The following GINM1 variants were observed in gnomAD, a reference collection of about 807,000 sequenced individuals.
The protein encoded by GINM1 is glycoprotein integral membrane protein 1.
A neutral mutation model predicts 37.8 loss-of-function variants in GINM1; 29 were observed. That is an observed-to-expected ratio of 0.77 (90% CI 0.57 to 1.05). GINM1 has a LOEUF of 1.05. Ranked by LOEUF, GINM1 falls within the 50% of genes least tolerant of loss-of-function variation. The pLI, the probability that GINM1 is intolerant of heterozygous loss-of-function variation, is 0.00. For missense variants in GINM1, 377 were observed against 397.9 expected, an observed-to-expected ratio of 0.95 and a Z score of 0.45; for synonymous variants, 143 against 146.2, an observed-to-expected ratio of 0.98 and a Z score of 0.16.
intron 3 of GINM1, chr6:149,575,969 A>T (rs529355790): frequency 1.3e-5 from 2 of 152,312 alleles, no homozygotes; most frequent in South Asian, 4.1e-4. Context: ...ACAACAACAA[A>T]TCTTCTTTAA....
At chr6:149,578,525 C>CAAAAAAAAAA (rs145601764) in intron 3 of GINM1, among the ~76,000 whole-genome samples, 1 of 71,420 alleles carries the variant, frequency 1.4e-5, no homozygotes, top group Non-Finnish European at 2.9e-5. Context: ...GACTCCATCT[C>CAAAAAAAAAA]AAAAAAAAAA....
At chr6:149,590,253 C>T (rs576225932) in intron 7 of GINM1, among the ~76,000 whole-genome samples, 3 of 152,322 alleles carry the variant, frequency 2.0e-5, no homozygotes, top group East Asian at 1.9e-4. Flanking sequence ...AACTAACCCC[C>T]GTTGATGTTC....
rs1778153446 is a variant in GINM1, at chr6:149,591,405, AAAG to A, written c.*570_*572del. The A allele has an allele frequency of 6.6e-6, 1 of 152,164 alleles. No individual in the cohort carries two copies. Among genetic ancestry groups the A allele is most frequent in the African/African-American group, 2.4e-5 (1 of 41,458 alleles). The allele number at this position is 152,164 out of a possible 1,614,324, so 9.4% of individuals were successfully genotyped here. A position where few individuals can be genotyped will look rare whatever the true frequency, so the allele number is the denominator to read the frequency against. On this transcript the variant is annotated 3_prime_UTR_variant, in exon 8 of 8. Transcript: ENST00000367419. Reference sequence around the variant, plus strand: ...ATGTGAAGAGACTTTGAAATTATCAAAAGAAAAAAAAAAGACCAGACAAAATCT... The same window carrying A: ...ATGTGAAGAGACTTTGAAATTATCAAAAAAAAAAAAGACCAGACAAAATCT...
At position 149,573,038 on chromosome 6, in the gene GINM1, A is replaced by G. The variant is rs938945666; in HGVS notation, c.277+435A>G. Among the ~76,000 whole-genome samples the G allele has an allele frequency of 3.9e-5, 6 of 152,180 alleles. 1 individual carries two copies. The highest frequency in any genetic ancestry group is 1.4e-4 in the African/African-American group (6 of 41,440). On this transcript the variant is annotated intron_variant, in intron 3 of 7. Transcript: ENST00000367419. ...TATATATTTCCATTTTAAAGTAAAA[A>G]TAGGCTGGGTGCAGTGGCTCACGCC...
chr6:149,573,748 G>C (rs539666559), intron 3 of GINM1, among the ~76,000 whole-genome samples: 108 of 151,708 alleles, frequency 7.1e-4, no homozygotes, highest in African/African-American at 2.6e-3. Flanking sequence ...ATGTGTGCCT[G>C]TAGTCCCAGC....
At position 149,582,460 on chromosome 6, in the gene GINM1, A is replaced by G; in HGVS notation, c.738A>G (p.Glu246=). The change falls in exon 7 of 8, where the codon GAA becomes GAG. Residue 246 remains glutamate, a synonymous_variant. Coordinates refer to ENST00000367419, the MANE Select transcript of GINM1 (RefSeq NM_138785.5). ...TTCAGGTAATGTGTCAGTGGATGGA[A>G]AAGTTTAGAAAAGATCTGTGTAGGT... ...SSYKVMCQWM[E]KFRKDLCRFW... is the part of the protein sequence containing the mutation. The G allele has an allele frequency of 6.2e-7, 1 of 1,605,994 alleles. No individual in the cohort carries two copies. Among genetic ancestry groups the G allele is most frequent in the Non-Finnish European group, 8.5e-7 (1 of 1,178,380 alleles).
At chr6:149,568,800 T>C (rs1777761101) in intron 1 of GINM1, among the ~76,000 whole-genome samples, 1 of 152,180 alleles carries the variant, frequency 6.6e-6, no homozygotes, top group Non-Finnish European at 1.5e-5. Flanking sequence ...GTTGAGGTAA[T>C]ACAAGATTGC....
At chr6:149,573,581 T>C (rs757011931) in intron 3 of GINM1, among the ~76,000 whole-genome samples, 1 of 152,134 alleles carries the variant, frequency 6.6e-6, no homozygotes, top group Non-Finnish European at 1.5e-5. Flanking sequence ...TAGATAACGA[T>C]GTAAGAATGT....
In GINM1 at chr6:149,580,716, C is replaced by T. The variant is rs751844499; in HGVS notation, c.710C>T (p.Ser237Leu). 26 of 1,553,896 alleles carry T rather than the reference C, an allele frequency of 1.7e-5. No individual in the cohort carries two copies. In the Admixed American group the frequency reaches 4.3e-4, roughly 26 times the overall value. The part of the protein sequence containing the change: ...ETPLRAEPPS[S>L]YKVMCQWMEK... ...CCTCTCAGAGCAGAGCCGCCATCTT[C>T]ATATAAGGTAAATCAAGTATTTGGT... Residue 237 changes from serine to leucine, a missense_variant, in exon 6 of 8, where the codon TCA becomes TTA. By Grantham distance (145) the Ser-to-Leu change is moderately radical (BLOSUM62 -2). Coordinates refer to ENST00000367419, the MANE Select transcript of GINM1 (RefSeq NM_138785.5).
intron 1 of GINM1, among the ~76,000 whole-genome samples, chr6:149,569,060 C>G (rs1211207876): frequency 6.6e-6 from 1 of 152,002 alleles, no homozygotes; most frequent in African/African-American, 2.4e-5. Context: ...GAGAGTCTCA[C>G]TCTGTCTCCC....
intron 3 of GINM1, among the ~76,000 whole-genome samples, chr6:149,574,428 G>A (rs1283934891): frequency 6.6e-6 from 1 of 151,926 alleles, no homozygotes; most frequent in East Asian, 1.9e-4. Context: ...TGATACATTT[G>A]GATTTAAATC....
intron 1 of GINM1, among the ~76,000 whole-genome samples, chr6:149,568,736 CAG>C (rs1242108841): frequency 2.6e-5 from 4 of 152,156 alleles, no homozygotes; most frequent in Non-Finnish European, 5.9e-5. Flanking sequence ...TCCGATGACT[CAG>C]ATTTATTGGA....
chr6:149,573,963 G>A (rs1249195571), intron 3 of GINM1, among the ~76,000 whole-genome samples: 2 of 151,136 alleles, frequency 1.3e-5, no homozygotes, highest in Non-Finnish European at 2.9e-5. Context: ...AAAATTTTGA[G>A]TTGTTTAAAG....
intron 4 of GINM1, 152 bp from the exon 5 acceptor site, chr6:149,579,682 C>G (rs550775955): frequency 1.8e-5 from 9 of 503,858 alleles, no homozygotes; most frequent in Non-Finnish European, 6.8e-6. Context: ...ACAACAAGAG[C>G]GAAACTCCAT....
intron 3 of GINM1, among the ~76,000 whole-genome samples, chr6:149,574,243 G>T (rs927322125): frequency 2.0e-5 from 3 of 151,848 alleles, no homozygotes; most frequent in Non-Finnish European, 4.4e-5. Context: ...TAGAGATGGG[G>T]TTTCACCATA....
intron 7 of GINM1, among the ~76,000 whole-genome samples, chr6:149,584,064 C>T (rs1426624177): frequency 2.0e-5 from 3 of 152,104 alleles, no homozygotes; most frequent in African/African-American, 7.2e-5. Context: ...CAACCTCCGC[C>T]TCCTGGGTTC....
intron 4 of GINM1, among the ~76,000 whole-genome samples, chr6:149,579,298 G>A (rs1237895364): frequency 1.3e-5 from 2 of 152,172 alleles, no homozygotes; most frequent in Non-Finnish European, 2.9e-5. Flanking sequence ...AAATGAAGTA[G>A]AATCGAGATT....
chr6:149,575,212 A>C (rs1165964858), intron 3 of GINM1, among the ~76,000 whole-genome samples: 3 of 152,120 alleles, frequency 2.0e-5, no homozygotes, highest in Non-Finnish European at 4.4e-5. Context: ...TTGCCCTCAC[A>C]CACATGCATT....
chr6:149,574,445 CTT>C (rs1183697379), intron 3 of GINM1, among the ~76,000 whole-genome samples: 1 of 152,212 alleles, frequency 6.6e-6, no homozygotes, highest in Non-Finnish European at 1.5e-5. Flanking sequence ...AATCCTCCTT[CTT>C]GTTTCCTCTT....
Sources: gnomAD v4.1 joint callset for allele counts (sites outside exome capture counted in the v4.1 genomes callset) on GRCh38, gnomAD v4.1.1 for gene constraint, MANE v1.5 for transcripts, NCBI Gene and HGNC (gene_info 2026-07-23, HGNC 2026-07-21) for gene names.